Variants in CTNNA2 observed in about 807,000 individuals in gnomAD.
The protein encoded by CTNNA2 is catenin alpha 2.
In CTNNA2, 42 loss-of-function variants were observed where a neutral mutation model predicts 101.0. The observed-to-expected ratio is 0.42, with a 90% CI of 0.32 to 0.54. The LOEUF is 0.54. Ranked by LOEUF, CTNNA2 falls within the 20% of genes least tolerant of loss-of-function variation. The pLI, the probability that CTNNA2 is intolerant of heterozygous loss-of-function variation, is 0.14. For synonymous variants in CTNNA2, 450 were observed against 456.4 expected, an observed-to-expected ratio of 0.99 and a Z score of 0.18; for missense variants, 871 against 1,223.1, an observed-to-expected ratio of 0.71 and a Z score of 4.29.
chr2:80,049,754 C>T (rs1257121374), intron 7 of CTNNA2, among the ~76,000 whole-genome samples: 1 of 152,186 alleles, frequency 6.6e-6, no homozygotes, highest in Non-Finnish European at 1.5e-5. Context: ...ACTCCTGAAG[C>T]TGTACTATTG....
intron 7 of CTNNA2, among the ~76,000 whole-genome samples, chr2:80,222,090 G>T (rs1201378661): frequency 6.6e-6 from 1 of 152,078 alleles, no homozygotes; most frequent in African/African-American, 2.4e-5. Context: ...CATCCCCTTT[G>T]CCCAAGCCAA....
intron 1 of CTNNA2, among the ~76,000 whole-genome samples, chr2:79,608,972 CTG>C (rs1319479269): frequency 3.3e-5 from 5 of 151,626 alleles, no homozygotes; most frequent in African/African-American, 1.2e-4. Flanking sequence ...ATGGGGTTGT[CTG>C]TGAAAAAAAT....
intron 7 of CTNNA2, among the ~76,000 whole-genome samples, chr2:80,209,012 A>G (rs1359449002): frequency 2.0e-5 from 3 of 152,168 alleles, no homozygotes; most frequent in African/African-American, 7.2e-5. Context: ...GAACACACAT[A>G]ACTCACTCTT....
intron 2 of CTNNA2, among the ~76,000 whole-genome samples, chr2:79,289,342 TAG>T (rs1675724501): frequency 6.6e-6 from 1 of 152,186 alleles, no homozygotes; most frequent in East Asian, 1.9e-4. Context: ...TAGGTAAATA[TAG>T]ATTTAATGAT....
intron 7 of CTNNA2, among the ~76,000 whole-genome samples, chr2:79,979,780 A>T (rs182799259): frequency 1.0e-3 from 156 of 152,260 alleles, no homozygotes; most frequent in Non-Finnish European, 1.6e-3. Context: ...GGCCCTGCAC[A>T]CTTACAAGTA....
At chr2:79,475,679 CT>C (rs1553413975) in intron 4 of CTNNA2, among the ~76,000 whole-genome samples, 2,289 of 149,764 alleles carry the variant, frequency 0.015, 52 homozygotes, top group African/African-American at 0.052. Context: ...TCTTTGAATA[CT>C]TTTTTTTTTG....
At chr2:79,900,599 C>G (rs534679450) in intron 6 of CTNNA2, among the ~76,000 whole-genome samples, 1 of 152,196 alleles carries the variant, frequency 6.6e-6, no homozygotes, top group Admixed American at 6.6e-5. Flanking sequence ...GCTTTGCCCC[C>G]TCTTCGTTAT....
intron 8 of CTNNA2, among the ~76,000 whole-genome samples, chr2:80,395,596 A>G (rs1314516003): frequency 6.6e-6 from 1 of 152,232 alleles, no homozygotes; most frequent in Non-Finnish European, 1.5e-5. Context: ...TGTTTGGCCC[A>G]GGTAGGTCAT....
intron 4 of CTNNA2, among the ~76,000 whole-genome samples, chr2:79,859,423 C>T (rs1404083538): frequency 2.0e-5 from 3 of 152,064 alleles, no homozygotes; most frequent in Non-Finnish European, 4.4e-5. Context: ...GGATCTTTTA[C>T]CGAAGGTGGC....
intron 1 of CTNNA2, among the ~76,000 whole-genome samples, chr2:79,591,264 G>T (rs1482571443): frequency 6.6e-6 from 1 of 152,106 alleles, no homozygotes; most frequent in Admixed American, 6.5e-5. Context: ...TATTATTTAG[G>T]AAAGGCTGTA....
chr2:79,275,684 C>G (rs1420865683), intron 2 of CTNNA2, among the ~76,000 whole-genome samples: 1 of 151,914 alleles, frequency 6.6e-6, no homozygotes, highest in Non-Finnish European at 1.5e-5. Context: ...ATCAAGGTTT[C>G]ATTTGTTGTT....
chr2:80,060,950 C>A (rs1174078219), intron 7 of CTNNA2, among the ~76,000 whole-genome samples: 1 of 152,114 alleles, frequency 6.6e-6, no homozygotes, highest in East Asian at 1.9e-4. Context: ...GAGGCTTGCA[C>A]AGCTCCAAAG....
intron 1 of CTNNA2, among the ~76,000 whole-genome samples, chr2:79,195,356 G>A (rs1300327816): frequency 6.6e-6 from 1 of 152,056 alleles, no homozygotes; most frequent in Non-Finnish European, 1.5e-5. Context: ...CTTCCTTCTG[G>A]GTAGCAGCAA....
chr2:80,173,667 G>T (rs780904255), intron 7 of CTNNA2, among the ~76,000 whole-genome samples: 61 of 152,214 alleles, frequency 4.0e-4, no homozygotes, highest in Non-Finnish European at 3.8e-4. Flanking sequence ...CAGGGTATAG[G>T]CTGCACAATG....
At chr2:80,271,423 T>C (rs2149139822) in intron 7 of CTNNA2, among the ~76,000 whole-genome samples, 1 of 118,448 alleles carries the variant, frequency 8.4e-6, no homozygotes, top group Middle Eastern at 3.9e-3. Context: ...TCCTCAGTCT[T>C]TTTTTTTTTT....
At chr2:79,418,130 G>A (rs925095957) in intron 4 of CTNNA2, among the ~76,000 whole-genome samples, 17 of 152,050 alleles carry the variant, frequency 1.1e-4, no homozygotes, top group African/African-American at 3.6e-4. Context: ...CCATGGGAGC[G>A]GTTGTGGATC....
At chr2:79,201,344 T>C (rs565863448) in intron 2 of CTNNA2, among the ~76,000 whole-genome samples, 70 of 152,310 alleles carry the variant, frequency 4.6e-4, no homozygotes, top group Admixed American at 2.2e-3. Context: ...ATCTTAACTT[T>C]AGCCAAGACA....
At chr2:80,023,111 C>T (rs1448886093) in intron 7 of CTNNA2, among the ~76,000 whole-genome samples, 1 of 152,232 alleles carries the variant, frequency 6.6e-6, no homozygotes. Flanking sequence ...AAAACTTTCA[C>T]TGGATTCTCA....
chr2:80,192,314 C>CA (rs1352274628), intron 7 of CTNNA2, among the ~76,000 whole-genome samples: 1 of 152,150 alleles, frequency 6.6e-6, no homozygotes, highest in Non-Finnish European at 1.5e-5. Context: ...AAGTTGTTTT[C>CA]ACTCTATCGC....
Sources: gnomAD v4.1 joint callset for allele counts (sites outside exome capture counted in the v4.1 genomes callset) on GRCh38, gnomAD v4.1.1 for gene constraint, MANE v1.5 for transcripts, NCBI Gene and HGNC (gene_info 2026-07-23, HGNC 2026-07-21) for gene names.